MX2: variants seen among roughly 807,000 people sequenced by gnomAD.
MX2 encodes the protein interferon-induced GTP-binding protein Mx2.
In MX2, 51 loss-of-function variants were observed where a neutral mutation model predicts 74.0. The ratio of observed to expected loss-of-function variants is 0.69; its 90% CI spans 0.55 to 0.87. MX2 has a LOEUF of 0.87. MX2 is among the 40% of genes least tolerant of loss of function. MX2 has a pLI of 0.00. For synonymous variants in MX2, 369 were observed against 339.3 expected (o/e 1.09, Z -0.96); for missense variants, 832 against 908.7 (o/e 0.92, Z 1.09).
Position 41,388,286 on chromosome 21 carries a change from C to T in MX2, c.733-2279C>T, listed in dbSNP as rs1237699307. On this transcript the variant is annotated intron_variant, in intron 5 of 13. Transcript: ENST00000330714. The surrounding 1 kb of genome is among the most constrained non-coding windows in gnomAD (Gnocchi z 4.0). ...CTACTTCATGGACCACATTTCCTGT[C>T]ACTGCGCCTTGGCCCCTCGCTCCAC... Among the ~76,000 whole-genome samples, 1 of 152,208 alleles carries T rather than the reference C, an allele frequency of 6.6e-6. No homozygotes were observed. Among genetic ancestry groups the T allele is most frequent in the Non-Finnish European group, 1.5e-5 (1 of 68,034 alleles).
intron 1 of MX2, among the ~76,000 whole-genome samples, chr21:41,362,427 T>A (rs374513789): frequency 6.6e-6 from 1 of 152,152 alleles, no homozygotes; most frequent in Non-Finnish European, 1.5e-5. Context: ...AAAAGTCGTC[T>A]CGGAGGGTTT....
chr21:41,393,004 G>A (rs2089680919), intron 6 of MX2, among the ~76,000 whole-genome samples: 1 of 151,380 alleles, frequency 6.6e-6, no homozygotes, highest in East Asian at 1.9e-4. Flanking sequence ...TACTTGGGAG[G>A]CTGAGGCACG....
chr21:41,406,049 T>C (rs1337580871), intron 12 of MX2, among the ~76,000 whole-genome samples: 2 of 149,998 alleles, frequency 1.3e-5, no homozygotes, highest in Non-Finnish European at 1.5e-5. Context: ...TGGAGTGCAA[T>C]GGCATGATAG....
intron 6 of MX2, among the ~76,000 whole-genome samples, chr21:41,393,827 C>T (rs929484715): frequency 6.6e-5 from 10 of 152,256 alleles, no homozygotes; most frequent in East Asian, 3.9e-4. Context: ...CTCTTGGTTT[C>T]GTACTCCATC....
intron 6 of MX2, among the ~76,000 whole-genome samples, chr21:41,394,143 ATG>A (rs1264439771): frequency 1.3e-5 from 2 of 152,188 alleles, no homozygotes; most frequent in Non-Finnish European, 2.9e-5. Context: ...GCCTCCAGAC[ATG>A]TCAATCGGGT....
At chr21:41,377,750 CA>C (rs772371070) in intron 2 of MX2, 38 bp from the exon 3 acceptor site, 2 of 1,566,960 alleles carry the variant, frequency 1.3e-6, no homozygotes, top group Non-Finnish European at 1.7e-6. Context: ...GGGACCCTAT[CA>C]GGGGTCAAGG....
chr21:41,395,206 G>A (rs369908), intron 6 of MX2, among the ~76,000 whole-genome samples: 94,443 of 151,786 alleles, frequency 0.62, 34,740 homozygotes, highest in Non-Finnish European at 0.83. Context: ...AAGAGGGAGC[G>A]GAGTGAGTCT....
At chr21:41,393,587 G>A (rs1221641845) in intron 6 of MX2, among the ~76,000 whole-genome samples, 3 of 151,984 alleles carry the variant, frequency 2.0e-5, no homozygotes, top group Non-Finnish European at 2.9e-5. Context: ...TAGACTCCTT[G>A]TCTCCATGCC....
intron 5 of MX2, among the ~76,000 whole-genome samples, chr21:41,383,920 T>C (rs2089532626): frequency 6.6e-6 from 1 of 152,144 alleles, no homozygotes; most frequent in African/African-American, 2.4e-5. Flanking sequence ...GGTGGTGATA[T>C]GGTTTGGTTC....
In MX2 at chr21:41,408,422, C is replaced by T. The variant is rs537819066; in HGVS notation, c.*189C>T. The T allele has an allele frequency of 2.8e-5, 21 of 749,804 alleles. No homozygotes were observed. In the African/African-American group the frequency reaches 3.0e-4, roughly 11 times the overall value. 46.4% of individuals were successfully genotyped at this position (749,804 alleles called of 1,614,324 possible). The stretch of plus-strand genomic sequence containing the variant: ...AGGCTCAGCTCTCTCCACCACCCAG[C>T]TCTTCCCTGACCTTCACGAAGGGAT... On this transcript the variant is annotated 3_prime_UTR_variant, in exon 14 of 14. Coordinates refer to ENST00000330714, the MANE Select transcript of MX2 (RefSeq NM_002463.2).
intron 4 of MX2, among the ~76,000 whole-genome samples, chr21:41,382,153 C>T (rs1032705468): frequency 7.9e-5 from 12 of 152,200 alleles, no homozygotes; most frequent in East Asian, 1.9e-4. Flanking sequence ...AGAACCCATC[C>T]GCAGTCCCAT....
chr21:41,377,665 C>A, intron 2 of MX2, 124 bp from the exon 3 acceptor site: 1 of 1,003,728 alleles, frequency 1.0e-6, no homozygotes, highest in Non-Finnish European at 1.5e-6. Flanking sequence ...CCTCCATCCA[C>A]CTTCTCACCT....
intron 2 of MX2, 138 bp from the exon 3 acceptor site, chr21:41,377,651 C>A: frequency 1.2e-6 from 1 of 839,476 alleles, no homozygotes; most frequent in Non-Finnish European, 1.8e-6. Context: ...AAAGCAGCAG[C>A]ACCCCTCCAT....
rs114423048 is a variant in MX2, at chr21:41,407,903, C to T, written c.1906-88C>T. ...CAGGGCTTCGCCAGGCAACCATGTG[C>T]GCATCCAGGAACTCCATGCCTTCTC... On this transcript the variant is annotated intron_variant, in intron 13 of 13. Transcript: ENST00000330714. 1,088 of 1,536,802 alleles carry T rather than the reference C, an allele frequency of 7.1e-4. 7 individuals are homozygous for T. The African/African-American group carries it at 0.014, about 20-fold the overall frequency.
At chr21:41,370,743 C>T (rs2089314797) in intron 1 of MX2, 1 of 152,160 alleles carries the variant, frequency 6.6e-6, no homozygotes, top group Non-Finnish European at 1.5e-5. Flanking sequence ...GGATCATTTC[C>T]CCCAGACCGC....
At chr21:41,379,662 G>A (rs554784538) in intron 3 of MX2, among the ~76,000 whole-genome samples, 2 of 152,236 alleles carry the variant, frequency 1.3e-5, no homozygotes, top group South Asian at 2.1e-4. Context: ...GCAGAAAGAC[G>A]GGGAGCCTGG....
intron 7 of MX2, among the ~76,000 whole-genome samples, chr21:41,396,634 T>C (rs57151183): frequency 0.041 from 6,248 of 152,268 alleles, 251 homozygotes; most frequent in East Asian, 0.15. Context: ...TAACACGACA[T>C]ACACAAAGGT....
chr21:41,408,039 T>C lies in MX2; in HGVS notation c.1954T>C (p.Phe652Leu), dbSNP rs1257282662. The change falls in exon 14 of 14, where the codon TTT (phenylalanine) becomes CTT (leucine). Residue 652 changes from phenylalanine (F) to leucine (L), a missense_variant. Transcript: ENST00000330714. ...CCAGATCCCATTTATAATTCAGTAT[T>C]TTATGCTCCGAGAGAATGGTGACTC... is the stretch of plus-strand genomic sequence containing the variant. ...ANQIPFIIQY[F>L]MLRENGDSLQ... 2 of 1,614,162 alleles carry C rather than the reference T, an allele frequency of 1.2e-6. No homozygotes were observed. Among genetic ancestry groups the C allele is most frequent in the South Asian group, 2.2e-5 (2 of 91,086 alleles).
At position 41,390,577 on chromosome 21, in the gene MX2, A is replaced by G. The variant is rs2089644282; in HGVS notation, c.745A>G (p.Ile249Val). ...TCTTTGGCATCAGATCAAGGCTCTC[A>G]TCAAGAAGTACATCCAGAGGCAGCA... ...RDIGLQIKAL[I>V]KKYIQRQQTI... The change falls in exon 6 of 14, where the codon ATC becomes GTC. Residue 249 changes from isoleucine to valine, a missense_variant. Physicochemically the swap from Ile to Val is conservative, Grantham distance 29 (BLOSUM62 3). Coordinates refer to ENST00000330714, the MANE Select transcript of MX2 (RefSeq NM_002463.2). The G allele has an allele frequency of 2.5e-6, 4 of 1,614,176 alleles. No homozygotes were observed. Among genetic ancestry groups the G allele is most frequent in the Non-Finnish European group, 3.4e-6 (4 of 1,180,006 alleles).
Sources: gnomAD v4.1 joint callset for allele counts (sites outside exome capture counted in the v4.1 genomes callset) on GRCh38, gnomAD v4.1.1 for gene constraint, Gnocchi (gnomAD v3.1) non-coding constraint, MANE v1.5 for transcripts, NCBI Gene and HGNC (gene_info 2026-07-23, HGNC 2026-07-21) for gene names.